The following UNC45A variants were observed in gnomAD, a reference collection of about 807,000 sequenced individuals.
UNC45A encodes the protein protein unc-45 homolog A.
A neutral mutation model predicts 103.2 loss-of-function variants in UNC45A; 78 were observed. The observed-to-expected ratio is 0.76, with a 90% CI of 0.63 to 0.91. The LOEUF (loss-of-function observed/expected upper bound fraction) is 0.91. UNC45A is among the 40% of genes least tolerant of loss of function. The pLI is 0.00. For missense variants in UNC45A, 1,193 were observed against 1,224.8 expected, an observed-to-expected ratio of 0.97 and a Z score of 0.39; for synonymous variants, 495 against 504.6, an observed-to-expected ratio of 0.98 and a Z score of 0.25.
At chr15:90,943,657 A>G (rs1040568878) in intron 8 of UNC45A, among the ~76,000 whole-genome samples, 3 of 151,882 alleles carry the variant, frequency 2.0e-5, no homozygotes, top group Admixed American at 2.0e-4. Flanking sequence ...GCGGGCCTGC[A>G]AGCAGGTTAG....
At chr15:90,939,002 A>C (rs2036155856) in intron 4 of UNC45A, among the ~76,000 whole-genome samples, 1 of 150,950 alleles carries the variant, frequency 6.6e-6, no homozygotes, top group Non-Finnish European at 1.5e-5. Flanking sequence ...TTTTTGAGAC[A>C]GAGTTTCACA....
At chr15:90,948,486 G>A in intron 12 of UNC45A, 168 bp from the exon 13 acceptor site, 3 of 1,293,640 alleles carry the variant, frequency 2.3e-6, no homozygotes, top group Non-Finnish European at 3.1e-6. Flanking sequence ...GAGCTGGGGA[G>A]GTCAAGTTTG....
chr15:90,934,078 G>A (rs1293139135), upstream of UNC45A: 3 of 399,070 alleles, frequency 7.5e-6, no homozygotes, highest in East Asian at 7.1e-5. Flanking sequence ...TTGCTGACAG[G>A]CCTATCTGTG....
At chr15:90,930,734 T>C (rs1304067800), upstream of UNC45A, 1 of 157,810 alleles carries the variant, frequency 6.3e-6, no homozygotes, top group African/African-American at 2.4e-5. Context: ...TCAGGCTCCA[T>C]CAGGCACGTC....
intron 4 of UNC45A, among the ~76,000 whole-genome samples, chr15:90,936,756 C>G (rs35023899): frequency 0.057 from 8,707 of 152,230 alleles, 361 homozygotes; most frequent in South Asian, 0.15. Flanking sequence ...CAGCTCTTTT[C>G]GAGAGTACTT....
At chr15:90,942,872 G>A in intron 7 of UNC45A, 40 bp from the exon 8 acceptor site, 3 of 1,569,226 alleles carry the variant, frequency 1.9e-6, no homozygotes, top group Non-Finnish European at 2.6e-6. Flanking sequence ...ACTGGGCTGG[G>A]CTGCTGTGGA....
At position 90,946,793 on chromosome 15, in the gene UNC45A, C is replaced by G; in HGVS notation, c.1379C>G (p.Ala460Gly). Reference protein sequence around the residue: ...QEEEQLVAVEALIHAAGKAKR... With the variant: ...QEEEQLVAVEGLIHAAGKAKR... ...GAGGAGCAGCTGGTGGCCGTGGAGG[C>G]TCTGATCCATGCAGCCGGCAAGGCT... Residue 460 changes from alanine (A) to glycine (G), a missense_variant, in exon 10 of 20, where the codon GCT (alanine) becomes GGT (glycine). By Grantham distance (60) the Ala-to-Gly change is moderately conservative. Coordinates refer to ENST00000418476, the MANE Select transcript of UNC45A (RefSeq NM_018671.5). 1 of 1,614,204 alleles carries G rather than the reference C, an allele frequency of 6.2e-7. No individual in the cohort carries two copies. The highest frequency in any genetic ancestry group is 8.5e-7 in the Non-Finnish European group (1 of 1,180,034).
intron 4 of UNC45A, among the ~76,000 whole-genome samples, chr15:90,938,688 T>A (rs2151357645): frequency 6.6e-6 from 1 of 152,196 alleles, no homozygotes; most frequent in Non-Finnish European, 1.5e-5. Context: ...TATTTATTTG[T>A]TTGTTTTGAG....
At chr15:90,936,530 A>T in intron 4 of UNC45A, 70 bp downstream of exon 4, 1 of 1,529,686 alleles carries the variant, frequency 6.5e-7, no homozygotes, top group Non-Finnish European at 8.8e-7. Context: ...GGGTGTAGAC[A>T]CAGTTCTCCA....
intron 14 of UNC45A, 103 bp downstream of exon 14, chr15:90,949,546 A>T: frequency 6.3e-7 from 1 of 1,599,262 alleles, no homozygotes. Flanking sequence ...GGCCTCTTAG[A>T]GCGACGGGGG....
chr15:90,936,226 T>G, intron 3 of UNC45A, 59 bp from the exon 4 acceptor site: 2 of 1,558,570 alleles, frequency 1.3e-6, no homozygotes, highest in South Asian at 2.4e-5. Flanking sequence ...CTTTCCCTAC[T>G]GCTCTTGCCT....
chr15:90,950,705 G>A, intron 17 of UNC45A, 90 bp downstream of exon 17: 2 of 1,313,936 alleles, frequency 1.5e-6, no homozygotes, highest in South Asian at 2.6e-5. Context: ...AACACTCCTT[G>A]GTCATGGGCT....
chr15:90,947,727 C>T lies in UNC45A; in HGVS notation c.1501-69C>T. ...CAGAGTGCCAGGGAGGGAGTCCAAG[C>T]CAGGTGTGGAGGAGCTCAGCTCCTG... On this transcript the variant is annotated intron_variant, in intron 10 of 19. Coordinates refer to ENST00000418476, the MANE Select transcript of UNC45A (RefSeq NM_018671.5). 9 of 1,186,856 alleles carry T rather than the reference C, an allele frequency of 7.6e-6. No individual in the cohort carries two copies. The South Asian group carries it at 1.1e-4, about 15-fold the overall frequency. 73.5% of individuals were successfully genotyped at this position (1,186,856 alleles called of 1,614,324 possible).
At chr15:90,944,384 T>TAA (rs531024749) in intron 8 of UNC45A, among the ~76,000 whole-genome samples, 1 of 145,162 alleles carries the variant, frequency 6.9e-6, no homozygotes, top group African/African-American at 2.5e-5. Flanking sequence ...GACTCTGTCT[T>TAA]AAAAAAAAAA....
At chr15:90,938,280 T>C (rs1015167817) in intron 4 of UNC45A, among the ~76,000 whole-genome samples, 1 of 151,978 alleles carries the variant, frequency 6.6e-6, no homozygotes, top group African/African-American at 2.4e-5. Context: ...ATTTTTAAAT[T>C]AGGAGAAAAG....
chr15:90,947,574 C>A (rs577653600), intron 10 of UNC45A: 8 of 574,146 alleles, frequency 1.4e-5, no homozygotes, highest in Non-Finnish European at 2.5e-5. Context: ...CAGCGGCCAG[C>A]GCATCAGTGT....
In UNC45A at chr15:90,942,353, G is replaced by A. The variant is rs142904729; in HGVS notation, c.688-84G>A. On this transcript the variant is annotated intron_variant, in intron 6 of 19. Transcript: ENST00000418476. ...TCCACCCAATTCTCTCCTTCTGGCCGTATCCTCTAACTCACAGTTAGGGAT... is the reference window on the plus strand; with the variant it reads ...TCCACCCAATTCTCTCCTTCTGGCCATATCCTCTAACTCACAGTTAGGGAT... The A allele has an allele frequency of 1.2e-3, 1,844 of 1,479,832 alleles. 2 individuals carry two copies. Among genetic ancestry groups the A allele is most frequent in the Admixed American group, 2.5e-3 (117 of 47,090 alleles). 91.7% of individuals were successfully genotyped at this position (1,479,832 alleles called of 1,614,324 possible).
chr15:90,949,211 G>A lies in UNC45A; in HGVS notation c.1879-105G>A, dbSNP rs887854476. ...CTTTTAAGCCAGTTTGTTTCCTTTTGTCTGGCTGTTTTATTTCCCAGTTCC... is the reference window on the plus strand; with the variant it reads ...CTTTTAAGCCAGTTTGTTTCCTTTTATCTGGCTGTTTTATTTCCCAGTTCC... On this transcript the variant is annotated intron_variant, in intron 13 of 19. Coordinates refer to ENST00000418476, the MANE Select transcript of UNC45A (RefSeq NM_018671.5). The A allele has an allele frequency of 3.2e-5, 47 of 1,475,848 alleles. No homozygotes were observed. The African/African-American group carries it at 6.0e-4, about 19-fold the overall frequency. 91.4% of individuals were successfully genotyped at this position (1,475,848 alleles called of 1,614,324 possible).
At chr15:90,949,908 C>A in intron 15 of UNC45A, 188 bp downstream of exon 15, 1 of 691,296 alleles carries the variant, frequency 1.4e-6, no homozygotes, top group Non-Finnish European at 2.5e-6. Flanking sequence ...ACACTGGTGC[C>A]TGTGAAGGTC....
Sources: allele counts gnomAD v4.1 joint callset (sites outside exome capture counted in the v4.1 genomes callset), GRCh38; gene constraint gnomAD v4.1.1; transcripts MANE v1.5; gene names NCBI Gene and HGNC (gene_info 2026-07-23, HGNC 2026-07-21).